GALNT16: variants seen among roughly 807,000 people sequenced by gnomAD.
GALNT16 encodes UDP-GalNAc:polypeptide N-acetylgalactosaminyltransferase-like protein 1.
A neutral mutation model predicts 76.1 loss-of-function variants in GALNT16; 40 were observed. That is an observed-to-expected ratio of 0.53 (90% CI 0.41 to 0.68). GALNT16 has a LOEUF of 0.68. Ranked by LOEUF, GALNT16 falls within the 30% of genes least tolerant of loss-of-function variation. The probability of loss-of-function intolerance (pLI) is 0.00; values close to 1 mark genes in which losing one functional copy is unlikely to be tolerated. For missense variants in GALNT16, 621 were observed against 731.9 expected (o/e 0.85, Z 1.75); for synonymous variants, 276 against 285.2 (o/e 0.97, Z 0.32).
chr14:69,369,439 G>A, the GALNT16 span, among the ~76,000 whole-genome samples: 5 of 152,330 alleles, frequency 3.3e-5, no homozygotes, highest in South Asian at 4.1e-4. Flanking sequence ...GACCTCAGCC[G>A]TGAAAGGTTG....
chr14:69,335,785 C>T (rs1011720576), intron 9 of GALNT16, among the ~76,000 whole-genome samples: 1 of 152,122 alleles, frequency 6.6e-6, no homozygotes, highest in African/African-American at 2.4e-5. Context: ...CCTTTTATTC[C>T]TTTATTGAAG....
downstream of GALNT16, among the ~76,000 whole-genome samples, chr14:69,359,529 T>C (rs1472742083): frequency 1.3e-5 from 2 of 152,152 alleles, no homozygotes; most frequent in Non-Finnish European, 2.9e-5. Context: ...TTGAGCACTT[T>C]CTGGGTACCC....
At chr14:69,326,277 C>T (rs879861142) in intron 5 of GALNT16, among the ~76,000 whole-genome samples, 3 of 152,206 alleles carry the variant, frequency 2.0e-5, no homozygotes, top group Non-Finnish European at 4.4e-5. Flanking sequence ...AAGACAGTCC[C>T]TTTCTGCCTT....
intron 5 of GALNT16, among the ~76,000 whole-genome samples, chr14:69,326,430 C>T (rs745309551): frequency 7.2e-5 from 11 of 152,218 alleles, no homozygotes; most frequent in Admixed American, 2.6e-4. Context: ...GTGCATGGCA[C>T]TCTAGGGGAC....
chr14:69,364,398 G>A, the GALNT16 span, among the ~76,000 whole-genome samples: 1 of 152,240 alleles, frequency 6.6e-6, no homozygotes, highest in Admixed American at 6.5e-5. This position sits in a 1 kb window ranked among gnomAD's most constrained non-coding sequence, Gnocchi z 4.2. Context: ...ATACAGCAGA[G>A]ATGATGCGGT....
intron 1 of GALNT16, among the ~76,000 whole-genome samples, chr14:69,302,154 G>T (rs1249276264): frequency 6.6e-6 from 1 of 152,074 alleles, no homozygotes; most frequent in Non-Finnish European, 1.5e-5. Flanking sequence ...CAGATACAGA[G>T]AATTAATGAT....
chr14:69,268,313 T>G (rs1351632972), intron 1 of GALNT16, among the ~76,000 whole-genome samples: 1 of 152,232 alleles, frequency 6.6e-6, no homozygotes, highest in East Asian at 1.9e-4. Flanking sequence ...GTCTGGAAAT[T>G]AACATTGTTT....
intron 1 of GALNT16, among the ~76,000 whole-genome samples, chr14:69,272,306 T>G (rs1420968767): frequency 2.0e-5 from 3 of 152,120 alleles, no homozygotes; most frequent in Non-Finnish European, 1.5e-5. Context: ...GAGTTTGCAG[T>G]GAGCCAAGAT....
rs1275677 is a variant in GALNT16, at chr14:69,333,175, A to G, written c.863+6A>G. The G allele has an allele frequency of 0.55, 869,301 of 1,592,252 alleles. 241,114 individuals are homozygous for G. Among genetic ancestry groups the G allele is most frequent in the African/African-American group, 0.67 (50,047 of 74,590 alleles). ...GACCCCACCAGGCCCATAAGGTCAG[A>G]GCTGCGGTGGGCTCTGGGGGACCCC... On this transcript the variant is annotated splice_donor_region_variant and intron_variant, in intron 8 of 14. Coordinates refer to ENST00000448469, the MANE Select transcript of GALNT16 (RefSeq NM_001168368.2). The surrounding 1 kb of genome is among the most constrained non-coding windows in gnomAD (Gnocchi z 4.2).
At chr14:69,339,718 C>T (rs2045462543) in intron 11 of GALNT16, 99 bp downstream of exon 11, 2 of 688,984 alleles carry the variant, frequency 2.9e-6, no homozygotes, top group South Asian at 3.7e-5. Context: ...CCACCCGCCA[C>T]CTCCCCAGCC....
At chr14:69,363,904 C>T in the GALNT16 span, among the ~76,000 whole-genome samples, 1 of 152,190 alleles carries the variant, frequency 6.6e-6, no homozygotes, top group African/African-American at 2.4e-5. Flanking sequence ...CCAGGAGCTT[C>T]CTTGAGATTC....
At position 69,285,040 on chromosome 14, in the gene GALNT16, C is replaced by CTTTT. The variant is rs11401674; in HGVS notation, c.177+24588_177+24591dup. 3.1e-5 allele frequency among the ~76,000 whole-genome samples: 4 copies of CTTTT among 127,502 alleles called. 1 individual carries two copies. The highest frequency in any genetic ancestry group is 2.9e-5 in the African/African-American group (1 of 34,076). 83.6% of individuals were successfully genotyped at this position (127,502 alleles called of 152,430 possible). ...TATATGTTACCCAGTCTCGGGCACTCTTTTTTTTTTTTTTTTTTGAGACGG... is the reference window on the plus strand; with the variant it reads ...TATATGTTACCCAGTCTCGGGCACTCTTTTTTTTTTTTTTTTTTTTTTGAGACGG... On this transcript the variant is annotated intron_variant, in intron 1 of 14. Coordinates refer to ENST00000448469, the MANE Select transcript of GALNT16 (RefSeq NM_001168368.2).
At position 69,328,574 on chromosome 14, in the gene GALNT16, GAGC is replaced by G. The variant is rs1412413631; in HGVS notation, c.690+4_690+6del. 1.9e-6 allele frequency: 3 copies of G among 1,611,982 alleles called. No individual in the cohort carries two copies. The highest frequency in any genetic ancestry group is 2.5e-6 in the Non-Finnish European group (3 of 1,179,478). On this transcript the variant is annotated splice_donor_5th_base_variant and intron_variant, in intron 6 of 14. Coordinates refer to ENST00000448469, the MANE Select transcript of GALNT16 (RefSeq NM_001168368.2). Reference sequence around the variant, plus strand: ...CCATGCTGCAGCGGGTGAAGGAGGTGAGCCACTGTCTCTGGGGAGCTGGGCGTC... The same window carrying G: ...CCATGCTGCAGCGGGTGAAGGAGGTGCACTGTCTCTGGGGAGCTGGGCGTC...
the GALNT16 span, among the ~76,000 whole-genome samples, chr14:69,363,790 G>T: frequency 6.6e-6 from 1 of 151,678 alleles, no homozygotes; most frequent in African/African-American, 2.4e-5. Context: ...CTAAAAGGGG[G>T]CACGCATTCA....
intron 1 of GALNT16, among the ~76,000 whole-genome samples, chr14:69,308,654 C>G (rs984528375): frequency 5.9e-5 from 9 of 152,254 alleles, no homozygotes; most frequent in African/African-American, 7.2e-5. Flanking sequence ...AGGGCTAATG[C>G]CTAGAAATAT....
At chr14:69,367,426 A>G in the GALNT16 span, among the ~76,000 whole-genome samples, 1 of 152,044 alleles carries the variant, frequency 6.6e-6, no homozygotes, top group East Asian at 1.9e-4. Flanking sequence ...GTGAGGGTAC[A>G]ACAAGAAGGT....
downstream of GALNT16, among the ~76,000 whole-genome samples, chr14:69,361,944 C>T (rs1431922105): frequency 6.6e-6 from 1 of 152,184 alleles, no homozygotes; most frequent in African/African-American, 2.4e-5. Flanking sequence ...GAGGCGGAGA[C>T]TGCAGTAAGC....
rs1249052950 is a variant in GALNT16 at position 69,322,937 on chromosome 14, T to G, written c.336-1755T>G. 6.9e-5 allele frequency among the ~76,000 whole-genome samples: 4 copies of G among 57,840 alleles called. No individual in the cohort carries two copies. In the South Asian group the frequency reaches 3.6e-3, roughly 52 times the overall value. The allele number at this position is 57,840 out of a possible 152,430, so 37.9% of individuals were successfully genotyped here. ...AGGTGGCTCACGGGGTGTGTGTGTGTGTGTGTGTGTGTGTGTGTGTGTGTG... is the reference window on the plus strand; with the variant it reads ...AGGTGGCTCACGGGGTGTGTGTGTGGGTGTGTGTGTGTGTGTGTGTGTGTG... On this transcript the variant is annotated intron_variant, in intron 2 of 14. Coordinates refer to ENST00000448469, the MANE Select transcript of GALNT16 (RefSeq NM_001168368.2).
intron 14 of GALNT16, chr14:69,351,739 C>T (rs141483133): frequency 1.1e-5 from 3 of 271,444 alleles, no homozygotes; most frequent in Non-Finnish European, 2.1e-5. Flanking sequence ...ATAGCAAGAC[C>T]CAGTCTCTGC....
Sources: allele counts gnomAD v4.1 joint callset (sites outside exome capture counted in the v4.1 genomes callset), GRCh38; gene constraint gnomAD v4.1.1; non-coding constraint Gnocchi (gnomAD v3.1); transcripts MANE v1.5; gene names NCBI Gene and HGNC (gene_info 2026-07-23, HGNC 2026-07-21).